The following RIMS2 variants were observed in gnomAD, a reference collection of about 807,000 sequenced individuals.
RIMS2 encodes regulating synaptic membrane exocytosis 2.
Under a neutral mutation model 174.4 loss-of-function variants are expected in RIMS2, and 59 were observed. The observed-to-expected ratio is 0.34, with a 90% CI of 0.27 to 0.42. The LOEUF is 0.42. Ranked by LOEUF, RIMS2 falls within the 10% of genes least tolerant of loss-of-function variation. The pLI is 1.00. For synonymous variants in RIMS2, 606 were observed against 572.5 expected (o/e 1.06, Z -0.84); for missense variants, 1,620 against 1,666.3 (o/e 0.97, Z 0.48).
At chr8:104,014,919 A>C (rs1193641918) in intron 19 of RIMS2, among the ~76,000 whole-genome samples, 1 of 152,200 alleles carries the variant, frequency 6.6e-6, no homozygotes, top group African/African-American at 2.4e-5. Flanking sequence ...AAATAAGTTT[A>C]TGTAATTGTT....
chr8:104,148,906 T>C, intron 19 of RIMS2, 58 bp downstream of exon 25: 1 of 1,516,470 alleles, frequency 6.6e-7, no homozygotes, highest in Admixed American at 1.8e-5. Flanking sequence ...CAAGATATAT[T>C]TCTTTTCTCT....
chr8:103,972,316 CAT>C (rs1349889378), intron 15 of RIMS2, among the ~76,000 whole-genome samples: 1 of 152,134 alleles, frequency 6.6e-6, no homozygotes, highest in African/African-American at 2.4e-5. Flanking sequence ...CTCTTTCTCT[CAT>C]GTCCCTCAAA....
chr8:103,975,360 T>C (rs1351503048), exon 16 of RIMS2: 1 of 1,610,962 alleles, frequency 6.2e-7, no homozygotes, highest in Non-Finnish European at 8.5e-7. Context: ...ATTATCGACA[T>C]GATGGTCGAG....
chr8:104,098,486 C>A (rs2097800301), intron 19 of RIMS2, among the ~76,000 whole-genome samples: 2 of 152,086 alleles, frequency 1.3e-5, no homozygotes, highest in Admixed American at 1.3e-4. Context: ...TTGTCAAAAG[C>A]AACAATGTTG....
chr8:103,886,060 G>T (rs1176140945), exon 4 of RIMS2: 1 of 1,613,084 alleles, frequency 6.2e-7, no homozygotes. Flanking sequence ...GTTCAGACCA[G>T]TCAGAGTCAG....
intron 3 of RIMS2, among the ~76,000 whole-genome samples, chr8:103,767,854 G>A (rs1461864940): frequency 6.6e-6 from 1 of 152,210 alleles, no homozygotes; most frequent in Non-Finnish European, 1.5e-5. Context: ...GACTTCCTCT[G>A]GGAGACTGGG....
At chr8:104,093,601 T>A in intron 19 of RIMS2, 2 of 1,597,594 alleles carry the variant, frequency 1.3e-6, no homozygotes, top group Non-Finnish European at 1.7e-6. Context: ...ACAAGCTACA[T>A]GTCTGTCCAA....
intron 19 of RIMS2, among the ~76,000 whole-genome samples, chr8:104,243,063 G>A (rs1215054998): frequency 6.6e-6 from 1 of 152,058 alleles, no homozygotes; most frequent in Non-Finnish European, 1.5e-5. Flanking sequence ...AAAATTTAAT[G>A]CTTTTACATT....
chr8:104,151,513 G>A (rs1566709739), intron 19 of RIMS2, among the ~76,000 whole-genome samples: 2 of 152,040 alleles, frequency 1.3e-5, no homozygotes, highest in Non-Finnish European at 2.9e-5. Flanking sequence ...AGGTTACAGT[G>A]AGCCGAGATT....
At chr8:103,736,539 G>A (rs1218314776) in intron 2 of RIMS2, among the ~76,000 whole-genome samples, 1 of 152,114 alleles carries the variant, frequency 6.6e-6, no homozygotes, top group East Asian at 1.9e-4. Flanking sequence ...ATATGGCCTT[G>A]TTTCTTTTAC....
intron 19 of RIMS2, among the ~76,000 whole-genome samples, chr8:104,118,980 T>TA (rs1331134325): frequency 6.6e-6 from 1 of 152,064 alleles, no homozygotes; most frequent in African/African-American, 2.4e-5. Context: ...GATACTGTCA[T>TA]ATTGGGGATT....
chr8:104,253,556 A>G (rs1396578577), downstream of RIMS2: 3 of 152,178 alleles, frequency 2.0e-5, no homozygotes, highest in African/African-American at 7.2e-5. Context: ...AAAATCTCCT[A>G]AAGTCAAAAC....
chr8:104,012,902 G>A (rs1465986199), intron 17 of RIMS2, among the ~76,000 whole-genome samples: 1 of 152,114 alleles, frequency 6.6e-6, no homozygotes, highest in African/African-American at 2.4e-5. Context: ...GATTTTTCTT[G>A]TGGATCAGGT....
intron 19 of RIMS2, among the ~76,000 whole-genome samples, chr8:104,148,169 CTTTTTTT>C (rs60928884): frequency 8.6e-6 from 1 of 116,384 alleles, no homozygotes; most frequent in Non-Finnish European, 1.8e-5. Context: ...TATTATCAGC[CTTTTTTT>C]TTTTTTTTTT....
chr8:104,038,022 A>G (rs1039355226), intron 19 of RIMS2, among the ~76,000 whole-genome samples: 2 of 152,220 alleles, frequency 1.3e-5, no homozygotes, highest in African/African-American at 4.8e-5. Flanking sequence ...CAACAGGACT[A>G]TATCATAGCC....
chr8:103,514,182 C>G (rs898680832), intron 1 of RIMS2, among the ~76,000 whole-genome samples: 3 of 152,170 alleles, frequency 2.0e-5, no homozygotes, highest in African/African-American at 7.2e-5. Context: ...AACATTAGAG[C>G]TTACCTCTCT....
At chr8:103,958,237 A>T (rs960502920) in intron 14 of RIMS2, among the ~76,000 whole-genome samples, 2 of 152,220 alleles carry the variant, frequency 1.3e-5, no homozygotes, top group East Asian at 1.9e-4. Context: ...AAAGAACAAC[A>T]TCATGTCTTT....
rs1463485768 is a variant in RIMS2, at chr8:103,766,274, T to C, written c.435T>C (p.Thr145=). Residue 145 remains threonine (T), a synonymous_variant, in exon 3 of 24, where the codon ACT becomes ACC. Transcript: ENST00000504942. Reference sequence around the variant, plus strand: ...GCCGAAAACAACAAGAAATCCTCACTAAATCAGGAGCATGGTTTTATAATA... The same window carrying C: ...GCCGAAAACAACAAGAAATCCTCACCAAATCAGGAGCATGGTTTTATAATA... 5 of 1,613,546 alleles carry C rather than the reference T, an allele frequency of 3.1e-6. No individual in the cohort carries two copies. In the African/African-American group the frequency reaches 6.7e-5, roughly 22 times the overall value.
chr8:103,723,841 T>G (rs2097489124), intron 2 of RIMS2, among the ~76,000 whole-genome samples: 1 of 152,126 alleles, frequency 6.6e-6, no homozygotes, highest in East Asian at 1.9e-4. Context: ...GACAGGAACC[T>G]TGGTGTGTAG....
Sources: gnomAD v4.1 joint callset for allele counts (sites outside exome capture counted in the v4.1 genomes callset) on GRCh38, gnomAD v4.1.1 for gene constraint, MANE v1.5 for transcripts, NCBI Gene and HGNC (gene_info 2026-07-23, HGNC 2026-07-21) for gene names.